STPG2: variants seen among roughly 807,000 people sequenced by gnomAD.
The protein encoded by STPG2 is sperm tail PG-rich repeat containing 2.
In STPG2, 56 loss-of-function variants were observed where a neutral mutation model predicts 54.2. That is an observed-to-expected ratio of 1.03 (90% CI 0.83 to 1.29). The LOEUF is 1.29. Ranked by LOEUF, STPG2 falls within the 50% of genes most tolerant of loss-of-function variation. STPG2 has a pLI of 0.00. For synonymous variants in STPG2, 200 were observed against 181.8 expected, an observed-to-expected ratio of 1.10 and a Z score of -0.81; for missense variants, 596 against 544.9, an observed-to-expected ratio of 1.09 and a Z score of -0.93.
intron 6 of STPG2, among the ~76,000 whole-genome samples, chr4:97,975,792 G>T (rs577948194): frequency 4.4e-4 from 67 of 152,066 alleles, no homozygotes; most frequent in Non-Finnish European, 9.0e-4. Context: ...AATAGGAATC[G>T]ATTAGATCAG....
intron 9 of STPG2, among the ~76,000 whole-genome samples, chr4:97,809,861 T>C (rs1221136711): frequency 6.6e-6 from 1 of 152,090 alleles, no homozygotes; most frequent in African/African-American, 2.4e-5. Context: ...AAACGGGTGT[T>C]GGTTTAAGCC....
chr4:98,044,743 C>T (rs188942445), intron 5 of STPG2, among the ~76,000 whole-genome samples: 6 of 152,248 alleles, frequency 3.9e-5, no homozygotes, highest in Non-Finnish European at 8.8e-5. Flanking sequence ...ATTAACAGAT[C>T]AGAATGTTCA....
intron 1 of STPG2, among the ~76,000 whole-genome samples, chr4:98,137,096 T>C (rs1040803221): frequency 2.0e-5 from 3 of 151,904 alleles, no homozygotes; most frequent in Admixed American, 6.6e-5. Flanking sequence ...CCAAACTTTA[T>C]GCTGTCTATA....
intron 5 of STPG2, among the ~76,000 whole-genome samples, chr4:98,067,218 A>G (rs1737861952): frequency 6.6e-6 from 1 of 152,312 alleles, no homozygotes; most frequent in Admixed American, 6.5e-5. Flanking sequence ...TGGTTATTAG[A>G]GAGAGGTAGG....
At chr4:98,018,756 C>A (rs1451156718) in intron 5 of STPG2, among the ~76,000 whole-genome samples, 1 of 151,878 alleles carries the variant, frequency 6.6e-6, no homozygotes, top group Non-Finnish European at 1.5e-5. Context: ...ATTTGCATTT[C>A]CCTGATGGCC....
chr4:97,752,980 G>C (rs1245685032), intron 9 of STPG2, among the ~76,000 whole-genome samples: 3 of 151,770 alleles, frequency 2.0e-5, no homozygotes, highest in Non-Finnish European at 4.4e-5. Context: ...CTGCAAATGT[G>C]ATGCAAAGAA....
At chr4:97,759,653 G>A (rs1725831872) in intron 9 of STPG2, among the ~76,000 whole-genome samples, 1 of 151,934 alleles carries the variant, frequency 6.6e-6, no homozygotes, top group Admixed American at 6.6e-5. Context: ...TAATATTTGG[G>A]GAATTCATAT....
chr4:97,509,995 A>G (rs1356900618), intron 4 of STPG2, among the ~76,000 whole-genome samples: 1 of 152,046 alleles, frequency 6.6e-6, no homozygotes, highest in African/African-American at 2.4e-5. Flanking sequence ...TCTTCCACGA[A>G]ACTGACACCT....
At chr4:98,082,174 T>C (rs1317798404) in intron 5 of STPG2, among the ~76,000 whole-genome samples, 1 of 152,122 alleles carries the variant, frequency 6.6e-6, no homozygotes, top group Non-Finnish European at 1.5e-5. Context: ...TCTAGGCCTT[T>C]ATTTTGAAAC....
At chr4:97,786,829 T>C (rs1726840444) in intron 9 of STPG2, among the ~76,000 whole-genome samples, 1 of 152,122 alleles carries the variant, frequency 6.6e-6, no homozygotes, top group Non-Finnish European at 1.5e-5. Context: ...CCATCTCAGT[T>C]ATCAAATTGA....
intron 4 of STPG2, among the ~76,000 whole-genome samples, chr4:97,544,727 C>T (rs565901885): frequency 2.6e-5 from 4 of 152,040 alleles, no homozygotes; most frequent in Non-Finnish European, 5.9e-5. Flanking sequence ...AGTGCCTAAT[C>T]TCTACTTAAA....
intron 9 of STPG2, among the ~76,000 whole-genome samples, chr4:97,819,325 ATAAT>A (rs563567369): frequency 2.0e-3 from 302 of 152,246 alleles, no homozygotes; most frequent in African/African-American, 7.0e-3. Context: ...AACAGAATAA[ATAAT>A]TAATTTTTAC....
chr4:97,541,827 A>T (rs1255312013), intron 4 of STPG2, among the ~76,000 whole-genome samples: 1 of 152,144 alleles, frequency 6.6e-6, no homozygotes, highest in Non-Finnish European at 1.5e-5. Flanking sequence ...CACATCTACA[A>T]CCTTCTGATC....
intron 10 of STPG2, among the ~76,000 whole-genome samples, chr4:97,585,101 CAAAAAAAA>C (rs60854805): frequency 2.2e-5 from 1 of 46,262 alleles, no homozygotes; most frequent in Non-Finnish European, 3.4e-5. Context: ...AAAATATTCT[CAAAAAAAA>C]AAAAAAAAAA....
At chr4:97,739,335 C>A (rs1578522267) in intron 9 of STPG2, among the ~76,000 whole-genome samples, 1 of 152,036 alleles carries the variant, frequency 6.6e-6, no homozygotes, top group Non-Finnish European at 1.5e-5. Context: ...CATTCAAAAG[C>A]TAGCAGAAGG....
At chr4:98,057,775 A>G (rs1231226617) in intron 5 of STPG2, among the ~76,000 whole-genome samples, 4 of 152,176 alleles carry the variant, frequency 2.6e-5, no homozygotes, top group African/African-American at 9.7e-5. Flanking sequence ...AGGTGGAAAT[A>G]AAAGAAAGAA....
chr4:98,106,582 TAGAC>T (rs1321008852), intron 4 of STPG2, among the ~76,000 whole-genome samples: 1 of 152,164 alleles, frequency 6.6e-6, no homozygotes, highest in Admixed American at 6.6e-5. Context: ...GCTTTGGAGT[TAGAC>T]AGCCTAATAA....
intron 4 of STPG2, among the ~76,000 whole-genome samples, chr4:97,474,049 T>A (rs1167333075): frequency 1.3e-5 from 2 of 152,096 alleles, no homozygotes; most frequent in African/African-American, 4.8e-5. Context: ...ATGGAATGTA[T>A]ACTAAGAGTG....
At chr4:98,035,467 G>C (rs184515679) in intron 5 of STPG2, among the ~76,000 whole-genome samples, 164 of 152,276 alleles carry the variant, frequency 1.1e-3, no homozygotes, top group African/African-American at 3.8e-3. Context: ...AGAGGATGTG[G>C]AGAAATAGGA....
Sources: gnomAD v4.1 joint callset for allele counts (sites outside exome capture counted in the v4.1 genomes callset) on GRCh38, gnomAD v4.1.1 for gene constraint, MANE v1.5 for transcripts, NCBI Gene and HGNC (gene_info 2026-07-23, HGNC 2026-07-21) for gene names.